The following FAM124B variants were observed in gnomAD, a reference collection of about 807,000 sequenced individuals.
FAM124B encodes family with sequence similarity 124 member B, also known as protein FAM124B.
A neutral mutation model predicts 19.7 loss-of-function variants in FAM124B; 18 were observed. The ratio of observed to expected loss-of-function variants is 0.92; its 90% CI spans 0.63 to 1.36. The LOEUF (loss-of-function observed/expected upper bound fraction) is 1.36. Among genes scored for constraint, FAM124B ranks in the 40% most tolerant of loss-of-function variants. The pLI, the probability that FAM124B is intolerant of heterozygous loss-of-function variation, is 0.00. For missense variants in FAM124B, 540 were observed against 553.3 expected, an observed-to-expected ratio of 0.98 and a Z score of 0.24; for synonymous variants, 223 against 225.2, an observed-to-expected ratio of 0.99 and a Z score of 0.09.
At chr2:224,400,167 G>C (rs1690039404) in intron 1 of FAM124B, 1 of 291,136 alleles carries the variant, frequency 3.4e-6, no homozygotes, top group Non-Finnish European at 6.3e-6. Context: ...GTCAATACGA[G>C]TTGATGGGTG....
chr2:224,388,248 A>G (rs1300570232), intron 1 of FAM124B, among the ~76,000 whole-genome samples: 1 of 152,216 alleles, frequency 6.6e-6, no homozygotes, highest in Non-Finnish European at 1.5e-5. Flanking sequence ...CTTGAGCTTC[A>G]TGGGAGGTTT....
intron 1 of FAM124B, among the ~76,000 whole-genome samples, chr2:224,383,697 A>G (rs192421517): frequency 2.6e-4 from 40 of 152,308 alleles, no homozygotes; most frequent in African/African-American, 9.6e-4. Flanking sequence ...GGAGGAAAAA[A>G]TACTATCTCC....
chr2:224,382,400 C>T (rs1459389753), intron 1 of FAM124B, among the ~76,000 whole-genome samples: 1 of 144,586 alleles, frequency 6.9e-6, no homozygotes, highest in African/African-American at 2.7e-5. Flanking sequence ...TCAATGATTC[C>T]CTGTCTTTTT....
chr2:224,382,040 T>C (rs1689728037), intron 1 of FAM124B, among the ~76,000 whole-genome samples: 1 of 152,100 alleles, frequency 6.6e-6, no homozygotes, highest in South Asian at 2.1e-4. Flanking sequence ...AATTTTCTGA[T>C]AGAAATGGTG....
At chr2:224,395,722 A>G (rs1221415865) in intron 1 of FAM124B, among the ~76,000 whole-genome samples, 1 of 152,218 alleles carries the variant, frequency 6.6e-6, no homozygotes, top group African/African-American at 2.4e-5. Flanking sequence ...TCTATTTGAT[A>G]TGCTCATATC....
At chr2:224,393,227 T>C (rs540781888) in intron 1 of FAM124B, among the ~76,000 whole-genome samples, 2 of 152,246 alleles carry the variant, frequency 1.3e-5, no homozygotes, top group South Asian at 4.1e-4. Context: ...GATCCAGAGG[T>C]GAGGCCCCAG....
rs368782167 is a variant in FAM124B, at chr2:224,379,695, A to G, written c.1246T>C (p.Ser416Pro). 21 of 1,551,480 alleles carry G rather than the reference A, an allele frequency of 1.4e-5. No individual in the cohort carries two copies. Among genetic ancestry groups the G allele is most frequent in the Non-Finnish European group, 1.7e-5 (20 of 1,146,980 alleles). The change falls in exon 2 of 2, where the codon TCT (serine) becomes CCT (proline). Residue 416 changes from serine (S) to proline (P), a missense_variant. Coordinates refer to ENST00000409685, the MANE Select transcript of FAM124B (RefSeq NM_001122779.2). ...CTTTGGCCAGCAAGTGGCAAAGGAG[A>G]GACTCTTTCCTTAAGGACACTGTTG... ...KNNSVLKERV[S>P]PLPLAGQRDL...
chr2:224,400,046 TC>T (rs1690036748), intron 1 of FAM124B: 1 of 156,908 alleles, frequency 6.4e-6, no homozygotes, highest in Admixed American at 6.3e-5. Context: ...TGTTAGGTTT[TC>T]GAGGATGGTT....
intron 1 of FAM124B, 90 bp downstream of exon 1, chr2:224,400,947 A>G: frequency 6.8e-7 from 1 of 1,477,148 alleles, no homozygotes; most frequent in Non-Finnish European, 9.0e-7. Flanking sequence ...ATATGCAACC[A>G]AGTCTGAGAA....
chr2:224,383,919 T>C (rs1689762680), intron 1 of FAM124B, among the ~76,000 whole-genome samples: 1 of 152,240 alleles, frequency 6.6e-6, no homozygotes, highest in African/African-American at 2.4e-5. Context: ...AGGGTTGATA[T>C]TAGATTATCC....
At chr2:224,381,246 C>T (rs1304631879) in intron 1 of FAM124B, among the ~76,000 whole-genome samples, 1 of 152,050 alleles carries the variant, frequency 6.6e-6, no homozygotes, top group African/African-American at 2.4e-5. Flanking sequence ...CTACTTGAGG[C>T]CAGGAGTTCA....
Position 224,401,846 on chromosome 2 carries a change from C to A in FAM124B, c.-78G>T. ...CAAGTTTCTGAAATGAATGAAGAAG[C>A]GGCCCAGCCTTCAGCCCGCCTGAAA... On this transcript the variant is annotated 5_prime_UTR_variant, in exon 1 of 2. Transcript: ENST00000409685. 1 of 1,507,066 alleles carries A rather than the reference C, an allele frequency of 6.6e-7. No individual in the cohort carries two copies. The allele number at this position is 1,507,066 out of a possible 1,614,324, so 93.4% of individuals were successfully genotyped here. A position where few individuals can be genotyped will look rare whatever the true frequency, so the allele number is the denominator to read the frequency against.
intron 1 of FAM124B, among the ~76,000 whole-genome samples, chr2:224,383,661 A>G (rs1285844747): frequency 6.6e-6 from 1 of 152,186 alleles, no homozygotes; most frequent in Non-Finnish European, 1.5e-5. Context: ...TCCAATGAAG[A>G]CTATTTGCTT....
At chr2:224,387,326 T>G (rs1333046200) in intron 1 of FAM124B, among the ~76,000 whole-genome samples, 1 of 152,126 alleles carries the variant, frequency 6.6e-6, no homozygotes, top group African/African-American at 2.4e-5. Context: ...GAAAATCAAG[T>G]GAAAATATAC....
At chr2:224,398,701 G>A (rs1309543763) in intron 1 of FAM124B, among the ~76,000 whole-genome samples, 1 of 152,200 alleles carries the variant, frequency 6.6e-6, no homozygotes, top group Admixed American at 6.5e-5. Context: ...AGGCAGCTGG[G>A]CGTGGTAGCT....
chr2:224,396,010 C>A (rs1689963744), intron 1 of FAM124B, among the ~76,000 whole-genome samples: 1 of 152,148 alleles, frequency 6.6e-6, no homozygotes, highest in Admixed American at 6.5e-5. Context: ...CTCATTTCAC[C>A]AAGGATAGAA....
At chr2:224,395,826 G>A (rs968136640) in intron 1 of FAM124B, among the ~76,000 whole-genome samples, 4 of 152,166 alleles carry the variant, frequency 2.6e-5, no homozygotes, top group South Asian at 2.1e-4. Context: ...CTCACTGGGC[G>A]CGCTGGCAGA....
intron 1 of FAM124B, among the ~76,000 whole-genome samples, chr2:224,395,234 G>A (rs532199729): frequency 6.6e-6 from 1 of 152,000 alleles, no homozygotes; most frequent in Non-Finnish European, 1.5e-5. Context: ...TGAATCAGGG[G>A]AGAAGAGCCA....
intron 1 of FAM124B, among the ~76,000 whole-genome samples, chr2:224,398,881 GC>G (rs1249404144): frequency 1.6e-4 from 25 of 152,194 alleles, no homozygotes; most frequent in Non-Finnish European, 2.9e-4. Flanking sequence ...GAAAGCTGAG[GC>G]ACAAGAATTG....
Sources: allele counts gnomAD v4.1 joint callset (sites outside exome capture counted in the v4.1 genomes callset), GRCh38; gene constraint gnomAD v4.1.1; transcripts MANE v1.5; gene names NCBI Gene and HGNC (gene_info 2026-07-23, HGNC 2026-07-21).